Variants in CACNA1D observed in about 807,000 individuals in gnomAD.
The protein encoded by CACNA1D is voltage-dependent L-type calcium channel subunit alpha-1D.
Under a neutral mutation model 257.1 loss-of-function variants are expected in CACNA1D, and 55 were observed. The observed-to-expected ratio is 0.21, with a 90% CI of 0.17 to 0.27. The LOEUF is 0.27. Ranked by LOEUF, CACNA1D falls within the 10% of genes least tolerant of loss-of-function variation. CACNA1D has a pLI of 1.00. For missense variants in CACNA1D, 1,876 were observed against 2,784.0 expected (o/e 0.67, Z 7.34); for synonymous variants, 980 against 1,014.9 (o/e 0.97, Z 0.65).
intron 3 of CACNA1D, among the ~76,000 whole-genome samples, chr3:53,596,343 C>A (rs2093369644): frequency 6.6e-6 from 1 of 152,096 alleles, no homozygotes; most frequent in African/African-American, 2.4e-5. Flanking sequence ...AGGATAACTC[C>A]AGTGTTGGGG....
At chr3:53,520,890 CTTTCTTTTCTTTTCTTTTCTTTTCT>C (rs777679306) in intron 3 of CACNA1D, among the ~76,000 whole-genome samples, 1 of 120,558 alleles carries the variant, frequency 8.3e-6, no homozygotes, top group Non-Finnish European at 1.8e-5. Context: ...TTCTTTCTTT[CTTTCTTTTCTTTTCTTTTCTTTTCT>C]TTTTCTTTCT....
In CACNA1D at chr3:53,769,140, G is replaced by A. The variant is rs150854261; in HGVS notation, c.3871-833G>A. Among the ~76,000 whole-genome samples, 144 of 152,374 alleles carry A rather than the reference G, an allele frequency of 9.5e-4. 8 individuals carry two copies. The East Asian group carries it at 0.02, about 21-fold the overall frequency. ...CAGGTAGTGCTAGGCACCATGCTGG[G>A]CACGGAGTGGAGTGAGGCAAGGCCC... On this transcript the variant is annotated intron_variant, in intron 30 of 47. Coordinates refer to ENST00000350061, the MANE Select transcript of CACNA1D (RefSeq NM_001128840.3).
chr3:53,795,493 C>T (rs2095503698), intron 40 of CACNA1D, among the ~76,000 whole-genome samples: 1 of 152,206 alleles, frequency 6.6e-6, no homozygotes, highest in African/African-American at 2.4e-5. Flanking sequence ...CAAGAGTCCT[C>T]ACTGAGCCTT....
Position 53,722,387 on chromosome 3 carries a change from T to G in CACNA1D, c.1579T>G (p.Trp527Gly). ...RAAVKSVTFY[W>G]LVIVLVFLNT... ...CGCCGTGAAGTCTGTCACGTTTTAC[T>G]GGCTGGTTATCGTCCTGGTGTTTCT... Residue 527 changes from tryptophan to glycine, a missense_variant, in exon 12 of 48, where the codon TGG (tryptophan) becomes GGG (glycine). Around this residue, in one of 10 missense-constraint regions of CACNA1D, gnomAD observed 257 missense variants for 399.7 expected, o/e 0.64. Transcript: ENST00000350061. 1 of 1,614,244 alleles carries G rather than the reference T, an allele frequency of 6.2e-7. No individual in the cohort carries two copies. The highest frequency in any genetic ancestry group is 8.5e-7 in the Non-Finnish European group (1 of 1,180,034).
chr3:53,749,197 G>C, intron 26 of CACNA1D, 71 bp from the exon 27 acceptor site: 1 of 1,089,814 alleles, frequency 9.2e-7, no homozygotes, highest in Non-Finnish European at 1.4e-6. Context: ...GGGAGGACCT[G>C]GGAAGGCAGC....
intron 3 of CACNA1D, among the ~76,000 whole-genome samples, chr3:53,541,934 AT>A (rs1000409587): frequency 1.3e-5 from 2 of 152,226 alleles, no homozygotes; most frequent in African/African-American, 4.8e-5. Context: ...TAATATGAAC[AT>A]CCCAAATAGG....
intron 8 of CACNA1D, among the ~76,000 whole-genome samples, chr3:53,702,379 C>G (rs576760084): frequency 6.6e-6 from 1 of 152,236 alleles, no homozygotes; most frequent in African/African-American, 2.4e-5. Context: ...CCCTTGAGAT[C>G]GCTGTCATCG....
intron 3 of CACNA1D, among the ~76,000 whole-genome samples, chr3:53,610,790 T>G (rs1247814567): frequency 1.3e-5 from 2 of 152,260 alleles, no homozygotes; most frequent in African/African-American, 4.8e-5. Flanking sequence ...GCTATATCTA[T>G]TTTATATGTG....
intron 8 of CACNA1D, among the ~76,000 whole-genome samples, chr3:53,683,590 C>A (rs915714196): frequency 2.6e-5 from 4 of 151,952 alleles, no homozygotes; most frequent in African/African-American, 9.7e-5. Flanking sequence ...AGGGAAAAGT[C>A]GATAGAAACA....
chr3:53,553,877 A>C (rs1239864286), intron 3 of CACNA1D, among the ~76,000 whole-genome samples: 1 of 151,092 alleles, frequency 6.6e-6, no homozygotes, highest in African/African-American at 2.4e-5. Context: ...CATACTAGAT[A>C]TGTTACCTAG....
rs1368208814 is a variant in CACNA1D at position 53,732,967 on chromosome 3, A to C, written c.2621+5A>C. On this transcript the variant is annotated splice_donor_5th_base_variant and intron_variant, in intron 19 of 47. Coordinates refer to ENST00000350061, the MANE Select transcript of CACNA1D (RefSeq NM_001128840.3). The stretch of plus-strand genomic sequence containing the variant: ...CATTCTTAGCAAGACCAACCCGTAA[A>C]TACTCCCCTTCTAGTCTCTCACGGC... 1.2e-6 allele frequency: 2 copies of C among 1,613,696 alleles called. No homozygotes were observed. Among genetic ancestry groups the C allele is most frequent in the Non-Finnish European group, 1.7e-6 (2 of 1,179,818 alleles).
intron 22 of CACNA1D, among the ~76,000 whole-genome samples, chr3:53,744,199 C>A (rs1474042191): frequency 6.6e-6 from 1 of 151,866 alleles, no homozygotes; most frequent in Admixed American, 6.6e-5. Context: ...CTGGCTATCA[C>A]CACCCCCACC....
intron 3 of CACNA1D, among the ~76,000 whole-genome samples, chr3:53,520,163 G>A (rs960573035): frequency 2.0e-5 from 3 of 152,166 alleles, no homozygotes; most frequent in African/African-American, 7.2e-5. Flanking sequence ...CTATATTCCT[G>A]GGAGTGGAAT....
intron 21 of CACNA1D, among the ~76,000 whole-genome samples, chr3:53,742,045 A>T (rs968339727): frequency 6.6e-6 from 1 of 152,196 alleles, no homozygotes; most frequent in Non-Finnish European, 1.5e-5. Flanking sequence ...GGATTCAGAA[A>T]ATGGAGACTC....
At chr3:53,691,782 T>C (rs1382496822) in intron 8 of CACNA1D, among the ~76,000 whole-genome samples, 15 of 64,332 alleles carry the variant, frequency 2.3e-4, no homozygotes, top group Non-Finnish European at 4.3e-4. Flanking sequence ...ATATTATATC[T>C]ATAATATATA....
intron 3 of CACNA1D, among the ~76,000 whole-genome samples, chr3:53,589,488 T>C (rs2093271465): frequency 6.6e-6 from 1 of 152,198 alleles, no homozygotes; most frequent in Admixed American, 6.5e-5. Flanking sequence ...AGGTCGGCCT[T>C]GTCCTAGCTG....
At chr3:53,581,421 A>G (rs539685118) in intron 3 of CACNA1D, among the ~76,000 whole-genome samples, 2 of 152,284 alleles carry the variant, frequency 1.3e-5, no homozygotes, top group East Asian at 1.9e-4. Flanking sequence ...TACCTCTCCT[A>G]GGCAGGTACA....
chr3:53,694,050 CCACCT>C (rs1477354865), intron 8 of CACNA1D, among the ~76,000 whole-genome samples: 1 of 152,228 alleles, frequency 6.6e-6, no homozygotes, highest in African/African-American at 2.4e-5. Context: ...CAGTCCCATT[CCACCT>C]GCACCTCTGT....
intron 3 of CACNA1D, among the ~76,000 whole-genome samples, chr3:53,625,673 C>T (rs559642623): frequency 1.3e-5 from 2 of 152,272 alleles, no homozygotes; most frequent in African/African-American, 2.4e-5. Context: ...TTATTAAGTG[C>T]CCTTGCTGTG....
Sources: allele counts gnomAD v4.1 joint callset (sites outside exome capture counted in the v4.1 genomes callset), GRCh38; gene constraint gnomAD v4.1.1; regional missense constraint gnomAD v4.1.1; transcripts MANE v1.5; gene names NCBI Gene and HGNC (gene_info 2026-07-23, HGNC 2026-07-21).